The following MFN1 variants were observed in gnomAD, a reference collection of about 807,000 sequenced individuals.
The protein encoded by MFN1 is mitofusin 1.
Under a neutral mutation model 92.4 loss-of-function variants are expected in MFN1, and 65 were observed. The ratio of observed to expected loss-of-function variants is 0.70; its 90% CI spans 0.58 to 0.86. MFN1 has a LOEUF of 0.86. MFN1 is among the 40% of genes least tolerant of loss of function. The pLI is 0.00. For missense variants in MFN1, 781 were observed against 868.0 expected, an observed-to-expected ratio of 0.90 and a Z score of 1.26; for synonymous variants, 297 against 300.9, an observed-to-expected ratio of 0.99 and a Z score of 0.13.
intron 3 of MFN1, among the ~76,000 whole-genome samples, chr3:179,353,198 C>G (rs1029766327): frequency 1.3e-5 from 2 of 150,802 alleles, no homozygotes; most frequent in Non-Finnish European, 2.9e-5. Flanking sequence ...GGACTACAGG[C>G]GTGTGCTGCC....
intron 3 of MFN1, among the ~76,000 whole-genome samples, chr3:179,352,571 G>A (rs1222284109): frequency 1.3e-5 from 2 of 152,148 alleles, no homozygotes; most frequent in South Asian, 2.1e-4. Flanking sequence ...TGGCATCTCC[G>A]CCAATGAACT....
rs1712728775 is a variant in MFN1, at chr3:179,364,987, G to GT, written c.646-131_646-130insT. The GT allele has an allele frequency of 2.4e-5, 11 of 467,282 alleles. No homozygotes were observed. The South Asian group carries it at 5.6e-4, about 24-fold the overall frequency. The allele number at this position is 467,282 out of a possible 1,614,324, so 28.9% of individuals were successfully genotyped here. On this transcript the variant is annotated intron_variant, in intron 6 of 17. Coordinates refer to ENST00000471841, the MANE Select transcript of MFN1 (RefSeq NM_033540.3). Reference sequence around the variant, plus strand: ...CATCTTTGAAAGTTTAATGCTCATAGAGTGCTTTGGGATCCTTTGTCAGTG... The same window carrying GT: ...CATCTTTGAAAGTTTAATGCTCATAGTAGTGCTTTGGGATCCTTTGTCAGTG...
chr3:179,365,366 G>A, intron 7 of MFN1, 141 bp downstream of exon 7: 1 of 529,068 alleles, frequency 1.9e-6, no homozygotes, highest in South Asian at 3.8e-5. Context: ...CCTGAAGTAG[G>A]TATGTGATAA....
At position 179,351,953 on chromosome 3, in the gene MFN1, G is replaced by A. The variant is rs997608452; in HGVS notation, c.166G>A (p.Glu56Lys). The A allele has an allele frequency of 6.2e-7, 1 of 1,610,866 alleles. No homozygotes were observed. The highest frequency in any genetic ancestry group is 1.3e-5 in the African/African-American group (1 of 74,880). Residue 56 changes from glutamate (E) to lysine (K), a missense_variant, in exon 3 of 18, where the codon GAA becomes AAA. By Grantham distance (56) the Glu-to-Lys change is moderately conservative. Transcript: ENST00000471841. ...AATAGCCACTGAAGATGATCTGGTAGAAATGCAAGGATATAAAGACAAGCT... is the reference window on the plus strand; with the variant it reads ...AATAGCCACTGAAGATGATCTGGTAAAAATGCAAGGATATAAAGACAAGCT... ...DRIATEDDLV[E>K]MQGYKDKLSI... is the part of the protein sequence containing the mutation.
chr3:179,351,287 A>C (rs894598388), intron 2 of MFN1, among the ~76,000 whole-genome samples: 1 of 152,202 alleles, frequency 6.6e-6, no homozygotes, highest in Non-Finnish European at 1.5e-5. Flanking sequence ...CCTAAACCTG[A>C]TAAGAGTGAA....
Position 179,348,974 on chromosome 3 carries a change from CTTAAGTT to C in MFN1, c.112+14_112+20del. 6.4e-7 allele frequency: 1 copy of C among 1,571,058 alleles called. No individual in the cohort carries two copies. Among genetic ancestry groups the C allele is most frequent in the Middle Eastern group, 1.7e-4 (1 of 5,872 alleles). On this transcript the variant is annotated intron_variant, in intron 2 of 17. Coordinates refer to ENST00000471841, the MANE Select transcript of MFN1 (RefSeq NM_033540.3). ...CACATTTTGTTGAAGGTTAGTTCTTCTTAAGTTTTTAAAGTAATTACTGTTGAAAATA... is the reference window on the plus strand; with the variant it reads ...CACATTTTGTTGAAGGTTAGTTCTTCTTTAAAGTAATTACTGTTGAAAATA...
In MFN1 at chr3:179,367,480, G is replaced by A. The variant is rs746095771; in HGVS notation, c.795G>A (p.Val265=). 36 of 1,613,368 alleles carry A rather than the reference G, an allele frequency of 2.2e-5. No individual in the cohort carries two copies. The highest frequency in any genetic ancestry group is 3.1e-5 in the Non-Finnish European group (36 of 1,179,760). Residue 265 remains valine (V), a synonymous_variant, in exon 8 of 18, where the codon GTG becomes GTA. Coordinates refer to ENST00000471841, the MANE Select transcript of MFN1 (RefSeq NM_033540.3). ...TGGAAAGATGCCTGCATTTCTTGGTGGAGGAGCTCAAAGTTGTAAATGCTT... is the reference window on the plus strand; with the variant it reads ...TGGAAAGATGCCTGCATTTCTTGGTAGAGGAGCTCAAAGTTGTAAATGCTT... ...QHMERCLHFL[V]EELKVVNALE...
intron 3 of MFN1, among the ~76,000 whole-genome samples, chr3:179,356,345 C>T (rs1344925940): frequency 3.9e-5 from 6 of 152,174 alleles, no homozygotes; most frequent in Non-Finnish European, 7.3e-5. Context: ...CTCATGGTTA[C>T]GCTGGGAGAG....
intron 4 of MFN1, among the ~76,000 whole-genome samples, chr3:179,360,704 T>C (rs1359098292): frequency 2.0e-5 from 3 of 152,158 alleles, no homozygotes; most frequent in Non-Finnish European, 2.9e-5. Context: ...TGCTTGATGA[T>C]CCATGCTATT....
chr3:179,359,095 G>A, intron 4 of MFN1, 93 bp downstream of exon 4: 4 of 1,296,122 alleles, frequency 3.1e-6, no homozygotes, highest in Non-Finnish European at 4.1e-6. Context: ...CTGCATCGCT[G>A]ACATCTTATA....
chr3:179,375,314 C>T lies in MFN1; in HGVS notation c.1070C>T (p.Ser357Leu), dbSNP rs780081711. 4 of 1,613,406 alleles carry T rather than the reference C, an allele frequency of 2.5e-6. No individual in the cohort carries two copies. The Admixed American group carries it at 6.7e-5, about 27-fold the overall frequency. The change falls in exon 10 of 18, where the codon TCA becomes TTA. Residue 357 changes from serine to leucine, a missense_variant. Ser to Leu is a moderately radical substitution (Grantham distance 145). Coordinates refer to ENST00000471841, the MANE Select transcript of MFN1 (RefSeq NM_033540.3). ...GCTACTGTGAAAAACATAATGGATTCAGTAAACCTGGCAGCTGAAGATAAA... is the reference window on the plus strand; with the variant it reads ...GCTACTGTGAAAAACATAATGGATTTAGTAAACCTGGCAGCTGAAGATAAA... ...ILATVKNIMDSVNLAAEDKRH... is the reference protein window; with the variant it reads ...ILATVKNIMDLVNLAAEDKRH...
At chr3:179,372,639 TACTC>T (rs1381181197) in intron 9 of MFN1, among the ~76,000 whole-genome samples, 2 of 152,166 alleles carry the variant, frequency 1.3e-5, no homozygotes, top group African/African-American at 4.8e-5. Flanking sequence ...TCTCTATACT[TACTC>T]ATCATTATAT....
intron 17 of MFN1, among the ~76,000 whole-genome samples, chr3:179,391,362 AAAC>A (rs375569471): frequency 4.8e-4 from 73 of 152,280 alleles, no homozygotes; most frequent in African/African-American, 1.5e-3. Context: ...AAGTTAAAAA[AAAC>A]AAATACCATA....
chr3:179,382,960 C>G (rs1479401343), intron 14 of MFN1, among the ~76,000 whole-genome samples: 2 of 152,020 alleles, frequency 1.3e-5, no homozygotes, highest in South Asian at 2.1e-4. Flanking sequence ...TGTAGATTCT[C>G]GATATTACCC....
intron 3 of MFN1, among the ~76,000 whole-genome samples, chr3:179,357,235 A>G (rs1432515139): frequency 6.6e-6 from 1 of 152,196 alleles, no homozygotes; most frequent in African/African-American, 2.4e-5. Flanking sequence ...ATCTGGTGTT[A>G]CATGACATTT....
chr3:179,390,230 T>C (rs1713850401), intron 17 of MFN1, 92 bp downstream of exon 17: 4 of 1,081,316 alleles, frequency 3.7e-6, no homozygotes, highest in Non-Finnish European at 4.9e-6. Flanking sequence ...TCATTCCTAA[T>C]AGCTTTTTGT....
In MFN1 at chr3:179,375,256, G is replaced by A. The variant is rs751976234; in HGVS notation, c.1012G>A (p.Glu338Lys). The A allele has an allele frequency of 9.9e-6, 16 of 1,613,622 alleles. No individual in the cohort carries two copies. The highest frequency in any genetic ancestry group is 3.3e-5 in the Admixed American group (2 of 59,962). Residue 338 changes from glutamate to lysine, a missense_variant, in exon 10 of 18, where the codon GAA becomes AAA. By Grantham distance (56) the Glu-to-Lys change is moderately conservative (BLOSUM62 1). Transcript: ENST00000471841. ...GCAGTCAGCAGTGAAAACAAAGTTC[G>A]AACAGCACACTATCAGAGCTAAACA... is the stretch of plus-strand genomic sequence containing the variant. ...ISQSAVKTKF[E>K]QHTIRAKQIL...
At chr3:179,370,459 G>A (rs1457936575) in intron 9 of MFN1, among the ~76,000 whole-genome samples, 1 of 140,948 alleles carries the variant, frequency 7.1e-6, no homozygotes, top group Admixed American at 7.7e-5. Context: ...GAATGAGGGA[G>A]TGAGTGCAGC....
intron 2 of MFN1, among the ~76,000 whole-genome samples, chr3:179,350,549 T>C (rs1353494584): frequency 1.3e-5 from 2 of 152,176 alleles, no homozygotes; most frequent in Non-Finnish European, 2.9e-5. Flanking sequence ...ACTAGTGAAA[T>C]GACAGCTTTA....
Sources: allele counts gnomAD v4.1 joint callset (sites outside exome capture counted in the v4.1 genomes callset), GRCh38; gene constraint gnomAD v4.1.1; transcripts MANE v1.5; gene names NCBI Gene and HGNC (gene_info 2026-07-23, HGNC 2026-07-21).